CCDC7: variants seen among roughly 807,000 people sequenced by gnomAD.
CCDC7 encodes the protein coiled-coil domain containing 7.
CCDC7 carries 183 observed loss-of-function variants against 196.9 expected under a neutral mutation model. The observed-to-expected ratio is 0.93, with a 90% CI of 0.82 to 1.05. CCDC7 has a LOEUF of 1.05. Among genes scored for constraint, CCDC7 ranks in the 50% least tolerant of loss-of-function variants. The probability of loss-of-function intolerance (pLI) is 0.00; values close to 1 mark genes in which losing one functional copy is unlikely to be tolerated. For missense variants in CCDC7, 1,540 were observed against 1,482.2 expected (o/e 1.04, Z -0.64); for synonymous variants, 525 against 484.6 (o/e 1.08, Z -1.10).
At chr10:32,721,521 A>G (rs1406399948) in intron 25 of CCDC7, among the ~76,000 whole-genome samples, 1 of 152,154 alleles carries the variant, frequency 6.6e-6, no homozygotes, top group Non-Finnish European at 1.5e-5. Flanking sequence ...CTTACTGGTA[A>G]CATAATATAT....
chr10:32,795,508 C>G (rs986115675), intron 29 of CCDC7, among the ~76,000 whole-genome samples: 10 of 152,122 alleles, frequency 6.6e-5, no homozygotes, highest in Admixed American at 2.0e-4. Context: ...TTCCTTAAAA[C>G]TTCTATTTTG....
Position 32,659,711 on chromosome 10 carries a change from A to G in CCDC7, c.2015-4343A>G, listed in dbSNP as rs2070817412. Among the ~76,000 whole-genome samples the G allele has an allele frequency of 2.6e-5, 4 of 152,348 alleles. No homozygotes were observed. In the South Asian group the frequency reaches 8.3e-4, roughly 32 times the overall value. On this transcript the variant is annotated intron_variant, in intron 20 of 41. Coordinates refer to ENST00000639629, the Ensembl canonical transcript of CCDC7. ...TCCAAAGAAGACATACATGTGGCCG[A>G]CAATCATATAAAAAAAGCTTAACAT...
At chr10:32,510,972 A>G (rs898039969) in intron 9 of CCDC7, among the ~76,000 whole-genome samples, 2 of 151,214 alleles carry the variant, frequency 1.3e-5, no homozygotes, top group Non-Finnish European at 3.0e-5. Context: ...GTCATTATTC[A>G]TTTAAAATAG....
At chr10:32,861,916 A>G (rs2094001987) in intron 41 of CCDC7, among the ~76,000 whole-genome samples, 1 of 152,198 alleles carries the variant, frequency 6.6e-6, no homozygotes, top group African/African-American at 2.4e-5. Context: ...TCAGGAAACA[A>G]CAGATGCTGG....
chr10:32,752,074 A>G (rs1391073135), intron 28 of CCDC7, among the ~76,000 whole-genome samples: 1 of 152,138 alleles, frequency 6.6e-6, no homozygotes, highest in Non-Finnish European at 1.5e-5. Flanking sequence ...CGCTTTTGAC[A>G]ATTTCAGCAC....
chr10:32,566,864 C>T (rs943119756), intron 14 of CCDC7, among the ~76,000 whole-genome samples: 8 of 143,428 alleles, frequency 5.6e-5, no homozygotes, highest in East Asian at 2.0e-4. Context: ...AAAAAAACCC[C>T]GCAGATATAT....
At chr10:32,798,795 C>G (rs2084167453) in intron 29 of CCDC7, among the ~76,000 whole-genome samples, 1 of 152,166 alleles carries the variant, frequency 6.6e-6, no homozygotes, top group Non-Finnish European at 1.5e-5. Flanking sequence ...TCAGGGATGT[C>G]CTAGAAAGGG....
chr10:32,444,616 C>T (rs1009842866), upstream of CCDC7, among the ~76,000 whole-genome samples: 1 of 152,188 alleles, frequency 6.6e-6, no homozygotes, highest in East Asian at 1.9e-4. Context: ...TTTAATCTCT[C>T]CTGACTTTTA....
intron 28 of CCDC7, among the ~76,000 whole-genome samples, chr10:32,743,508 G>C (rs1235541246): frequency 6.6e-6 from 1 of 152,098 alleles, no homozygotes. Flanking sequence ...GTATTGCCTA[G>C]GTTTTCTTCT....
chr10:32,721,113 T>C (rs1053983486), intron 25 of CCDC7, among the ~76,000 whole-genome samples: 3 of 152,016 alleles, frequency 2.0e-5, no homozygotes, highest in African/African-American at 7.2e-5. Context: ...AAAAAAGATA[T>C]TTTATACTGT....
chr10:32,683,363 T>C (rs2076076773), intron 21 of CCDC7, among the ~76,000 whole-genome samples: 1 of 152,204 alleles, frequency 6.6e-6, no homozygotes, highest in Non-Finnish European at 1.5e-5. Context: ...TGTATGTTTT[T>C]ATACCACTAC....
At position 32,677,026 on chromosome 10, in the gene CCDC7, T is replaced by C. The variant is rs1387895304; in HGVS notation, c.2123-8944T>C. 2.0e-5 allele frequency among the ~76,000 whole-genome samples: 3 copies of C among 151,326 alleles called. No homozygotes were observed. The South Asian group carries it at 6.2e-4, about 31-fold the overall frequency. On this transcript the variant is annotated intron_variant, in intron 21 of 41. Transcript: ENST00000639629. ...AAATGTGGCACATACCATGGAATAC[T>C]ATGCAGCCATAAAAAATGATGAGTT...
downstream of CCDC7, among the ~76,000 whole-genome samples, chr10:32,877,791 C>T (rs1308240537): frequency 1.3e-5 from 2 of 152,110 alleles, no homozygotes; most frequent in Non-Finnish European, 2.9e-5. Flanking sequence ...GCTTTTAAAG[C>T]CTACCAGTTT....
At chr10:32,822,632 G>T (rs142943325) in intron 31 of CCDC7, among the ~76,000 whole-genome samples, 2 of 152,028 alleles carry the variant, frequency 1.3e-5, no homozygotes, top group African/African-American at 2.4e-5. Flanking sequence ...GAGAATAAAG[G>T]TATATATAAA....
intron 41 of CCDC7, among the ~76,000 whole-genome samples, chr10:32,858,506 T>G (rs1007135964): frequency 6.6e-6 from 1 of 152,126 alleles, no homozygotes; most frequent in Non-Finnish European, 1.5e-5. Flanking sequence ...TGCTGACATG[T>G]AGGGCTGGTT....
At chr10:32,627,621 A>G (rs574524049) in intron 18 of CCDC7, among the ~76,000 whole-genome samples, 29 of 151,920 alleles carry the variant, frequency 1.9e-4, no homozygotes, top group African/African-American at 6.7e-4. Flanking sequence ...ATTTTTAACT[A>G]TTGATTATAA....
intron 23 of CCDC7, among the ~76,000 whole-genome samples, chr10:32,691,935 C>T (rs2077138182): frequency 1.3e-5 from 2 of 152,188 alleles, no homozygotes; most frequent in African/African-American, 4.8e-5. Flanking sequence ...GTCCCCCTTT[C>T]CTCCACTTCC....
At chr10:32,492,080 T>A (rs1589144155) in intron 9 of CCDC7, 83 bp downstream of exon 10, 1 of 1,340,908 alleles carries the variant, frequency 7.5e-7, no homozygotes, top group East Asian at 2.8e-5. Flanking sequence ...ATATGTAATA[T>A]GTTCATTGAA....
intron 28 of CCDC7, among the ~76,000 whole-genome samples, chr10:32,734,981 TTATC>T (rs2084623111): frequency 6.6e-6 from 1 of 152,156 alleles, no homozygotes; most frequent in South Asian, 2.1e-4. Context: ...GTTTTAATGT[TTATC>T]TGATATTTGT....
Sources: gnomAD v4.1 joint callset for allele counts (sites outside exome capture counted in the v4.1 genomes callset) on GRCh38, gnomAD v4.1.1 for gene constraint, MANE v1.5 for transcripts, NCBI Gene and HGNC (gene_info 2026-07-23, HGNC 2026-07-21) for gene names.